TBC1D16: variants seen among roughly 807,000 people sequenced by gnomAD.
TBC1D16 encodes the protein TBC1 domain family member 16.
In TBC1D16, 58 loss-of-function variants were observed where a neutral mutation model predicts 74.7. The ratio of observed to expected loss-of-function variants is 0.78; its 90% CI spans 0.63 to 0.97. The LOEUF is 0.97. TBC1D16 is among the 50% of genes least tolerant of loss of function. The pLI is 0.00. For missense variants in TBC1D16, 1,014 were observed against 1,079.5 expected (o/e 0.94, Z 0.85); for synonymous variants, 493 against 474.7 (o/e 1.04, Z -0.50).
intron 3 of TBC1D16, among the ~76,000 whole-genome samples, chr17:79,957,290 T>C (rs2033381254): frequency 6.6e-6 from 1 of 152,086 alleles, no homozygotes; most frequent in Non-Finnish European, 1.5e-5. Flanking sequence ...TGTCCTTTGG[T>C]AGTGAATGGA....
rs1385467470 is a variant in TBC1D16 at position 79,936,091 on chromosome 17, C to T, written c.*4768G>A. On this transcript the variant is annotated 3_prime_UTR_variant, in exon 12 of 12. Coordinates refer to ENST00000310924, the MANE Select transcript of TBC1D16 (RefSeq NM_019020.4). ...CCGCAGCCCGAGGGAGCTTCAAGGC[C>T]GAGGGGTAGGACCTGCAGGGCCCAC... 2 of 152,212 alleles carry T rather than the reference C, an allele frequency of 1.3e-5. No homozygotes were observed. Among genetic ancestry groups the T allele is most frequent in the Non-Finnish European group, 2.9e-5 (2 of 68,054 alleles). The allele number at this position is 152,212 out of a possible 1,614,324, so 9.4% of individuals were successfully genotyped here. A position where few individuals can be genotyped will look rare whatever the true frequency, so the allele number is the denominator to read the frequency against.
At chr17:79,991,997 C>A (rs2035081531) in intron 3 of TBC1D16, 1 of 152,286 alleles carries the variant, frequency 6.6e-6, no homozygotes, top group South Asian at 2.1e-4. Context: ...CCTGGTGGCC[C>A]CCCCATCCTC....
chr17:79,974,891 G>C (rs1035272945), intron 3 of TBC1D16, among the ~76,000 whole-genome samples: 6 of 152,230 alleles, frequency 3.9e-5, no homozygotes, highest in African/African-American at 1.2e-4. Flanking sequence ...AGAGGGAGAA[G>C]CCTGGGCGCC....
chr17:79,932,447 T>A lies in TBC1D16; in HGVS notation c.*8412A>T, dbSNP rs554070109. 2.6e-5 allele frequency: 4 copies of A among 152,370 alleles called. No individual in the cohort carries two copies. The South Asian group carries it at 8.3e-4, about 32-fold the overall frequency. 9.4% of individuals were successfully genotyped at this position (152,370 alleles called of 1,614,324 possible). ...CTTCTGCCCAGAATCCTCTGCCCGGTCCCCTGTAGCTAGTGTCCAGACACT... is the reference window on the plus strand; with the variant it reads ...CTTCTGCCCAGAATCCTCTGCCCGGACCCCTGTAGCTAGTGTCCAGACACT... On this transcript the variant is annotated 3_prime_UTR_variant, in exon 12 of 12. Coordinates refer to ENST00000310924, the MANE Select transcript of TBC1D16 (RefSeq NM_019020.4).
At chr17:80,028,258 C>T (rs544966731) in intron 1 of TBC1D16, among the ~76,000 whole-genome samples, 1 of 152,114 alleles carries the variant, frequency 6.6e-6, no homozygotes, top group Non-Finnish European at 1.5e-5. Flanking sequence ...TAGCCGGGCG[C>T]AGTGGCTCAC....
chr17:79,947,622 G>A (rs774409905), intron 9 of TBC1D16, 23 bp downstream of exon 9: 66 of 1,611,974 alleles, frequency 4.1e-5, no homozygotes, highest in Non-Finnish European at 5.3e-5. Flanking sequence ...GCCCTTGGAC[G>A]CACCCATCCC....
chr17:79,947,980 G>A (rs2032700943), intron 8 of TBC1D16, 149 bp from the exon 9 acceptor site: 3 of 689,018 alleles, frequency 4.4e-6, no homozygotes, highest in South Asian at 1.9e-5. Context: ...CAGAGCCCAA[G>A]CTTAGCTTCC....
chr17:79,963,000 A>C (rs1367319413), intron 3 of TBC1D16, among the ~76,000 whole-genome samples: 1 of 151,398 alleles, frequency 6.6e-6, no homozygotes, highest in Non-Finnish European at 1.5e-5. Flanking sequence ...CAGTGAGCCG[A>C]GATCGCGCCA....
At chr17:79,967,959 G>C (rs922024770) in intron 3 of TBC1D16, among the ~76,000 whole-genome samples, 1 of 152,162 alleles carries the variant, frequency 6.6e-6, no homozygotes, top group African/African-American at 2.4e-5. Flanking sequence ...TTTCCAACAA[G>C]CTTGGTAAAA....
At chr17:79,964,196 G>A (rs907109390) in intron 3 of TBC1D16, among the ~76,000 whole-genome samples, 2 of 151,960 alleles carry the variant, frequency 1.3e-5, no homozygotes, top group South Asian at 2.1e-4. Flanking sequence ...GGCTGATCTC[G>A]AACTCCTGAC....
chr17:79,996,107 G>A (rs1228916672), intron 3 of TBC1D16, among the ~76,000 whole-genome samples: 2 of 152,142 alleles, frequency 1.3e-5, no homozygotes, highest in African/African-American at 4.8e-5. Context: ...TCATTGCAGT[G>A]AATCGTTTGT....
At chr17:79,952,886 G>A in intron 3 of TBC1D16, 68 bp from the exon 4 acceptor site, 3 of 1,526,662 alleles carry the variant, frequency 2.0e-6, no homozygotes, top group Non-Finnish European at 2.6e-6. Flanking sequence ...GGGGGACGGG[G>A]GTCATGGGGG....
chr17:79,942,643 A>C (rs1263654722), intron 10 of TBC1D16, among the ~76,000 whole-genome samples: 3 of 151,798 alleles, frequency 2.0e-5, no homozygotes, highest in Non-Finnish European at 4.4e-5. Context: ...GTCAGAACTC[A>C]CTCCAGCGGG....
Position 79,950,137 on chromosome 17 carries a change from G to A in TBC1D16, c.1258-272C>T, listed in dbSNP as rs2032925650. On this transcript the variant is annotated intron_variant, in intron 6 of 11. Coordinates refer to ENST00000310924, the MANE Select transcript of TBC1D16 (RefSeq NM_019020.4). This position sits in a 1 kb window ranked among gnomAD's most constrained non-coding sequence, Gnocchi z 4.6. ...CCTAATCCCTGGTTTTGGAAATGCT[G>A]CATTTCACTGCAAACCCTTCTATGC... 6.6e-6 allele frequency among the ~76,000 whole-genome samples: 1 copy of A among 152,048 alleles called. No individual in the cohort carries two copies. The highest frequency in any genetic ancestry group is 2.4e-5 in the African/African-American group (1 of 41,394).
At chr17:79,968,404 ATTAAC>A (rs1182152139) in intron 3 of TBC1D16, among the ~76,000 whole-genome samples, 1 of 152,252 alleles carries the variant, frequency 6.6e-6, no homozygotes, top group Non-Finnish European at 1.5e-5. Flanking sequence ...GTCTACAACA[ATTAAC>A]TTAAAATGGA....
chr17:80,020,509 C>T (rs1376329229), intron 1 of TBC1D16, among the ~76,000 whole-genome samples: 1 of 149,568 alleles, frequency 6.7e-6, no homozygotes, highest in African/African-American at 2.6e-5. Flanking sequence ...TGCTTGTACT[C>T]AGGAGGTGGA....
Position 79,962,159 on chromosome 17 carries a change from T to C in TBC1D16, c.780-9341A>G, listed in dbSNP as rs925513039. Among the ~76,000 whole-genome samples, 9 of 151,804 alleles carry C rather than the reference T, an allele frequency of 5.9e-5. No homozygotes were observed. In the East Asian group the frequency reaches 1.7e-3, roughly 29 times the overall value. ...TTTTTCCTTTTTCCAATTATTTTAT[T>C]GTGTTAAAAAATACTTATCATCAAA... On this transcript the variant is annotated intron_variant, in intron 3 of 11. Transcript: ENST00000310924.
At chr17:80,021,383 C>T (rs2036276895) in intron 1 of TBC1D16, among the ~76,000 whole-genome samples, 1 of 149,546 alleles carries the variant, frequency 6.7e-6, no homozygotes. Flanking sequence ...TCACTTGAGC[C>T]CAGGACGTCG....
chr17:79,974,329 C>T (rs2034242220), intron 3 of TBC1D16, among the ~76,000 whole-genome samples: 1 of 152,112 alleles, frequency 6.6e-6, no homozygotes, highest in South Asian at 2.1e-4. Context: ...ACTTCCGCCT[C>T]CCGGGTTCAA....
Sources: gnomAD v4.1 joint callset for allele counts (sites outside exome capture counted in the v4.1 genomes callset) on GRCh38, gnomAD v4.1.1 for gene constraint, Gnocchi (gnomAD v3.1) non-coding constraint, MANE v1.5 for transcripts, NCBI Gene and HGNC (gene_info 2026-07-23, HGNC 2026-07-21) for gene names.